The following GIGYF1 variants were observed in gnomAD, a reference collection of about 807,000 sequenced individuals.
The protein encoded by GIGYF1 is GRB10-interacting GYF protein 1.
A neutral mutation model predicts 147.1 loss-of-function variants in GIGYF1; 84 were observed. The ratio of observed to expected loss-of-function variants is 0.57; its 90% CI spans 0.48 to 0.68. GIGYF1 has a LOEUF of 0.68. GIGYF1 is among the 30% of genes least tolerant of loss of function. The pLI is 0.00. For missense variants in GIGYF1, 1,485 were observed against 1,393.7 expected (o/e 1.07, Z -1.04); for synonymous variants, 752 against 589.5 (o/e 1.28, Z -3.99).
At chr7:100,683,704 A>T in intron 19 of GIGYF1, 72 bp from the exon 20 acceptor site, 3 of 1,556,752 alleles carry the variant, frequency 1.9e-6, no homozygotes, top group Non-Finnish European at 2.7e-6. Context: ...CAGCCGCAGC[A>T]GTGGGCTCCC....
At position 100,687,338 on chromosome 7, in the gene GIGYF1, T is replaced by A. The variant is rs141498960; in HGVS notation, c.442A>T (p.Ser148Cys). The change falls in exon 8 of 27, where the codon AGC (serine) becomes TGC (cysteine). Residue 148 changes from serine to cysteine, a missense_variant. Ser to Cys is a moderately radical substitution (Grantham distance 112). Coordinates refer to ENST00000678049, the MANE Select transcript of GIGYF1 (RefSeq NM_001375765.1). The stretch of plus-strand genomic sequence containing the variant: ...TGGCTGCGCTGGATTTCCCGGGGGC[T>A]TCGTCCAAAGGCCCCATCGCCTTCT... ...IEEGDGAFGRSPREIQRSQSW... is the reference protein window; with the variant it reads ...IEEGDGAFGRCPREIQRSQSW... 14 of 1,613,024 alleles carry A rather than the reference T, an allele frequency of 8.7e-6. No individual in the cohort carries two copies. The African/African-American group carries it at 1.7e-4, about 20-fold the overall frequency.
At chr7:100,687,467 G>A (rs1219916492) in intron 7 of GIGYF1, 38 bp downstream of exon 7, 1 of 1,606,046 alleles carries the variant, frequency 6.2e-7, no homozygotes. Context: ...CAGGGGCCCA[G>A]ATCTGCCCGT....
Position 100,686,215 on chromosome 7 carries a change from T to C in GIGYF1, c.913A>G (p.Thr305Ala), listed in dbSNP as rs1220035034. The C allele has an allele frequency of 1.2e-6, 2 of 1,613,490 alleles. No homozygotes were observed. The highest frequency in any genetic ancestry group is 1.7e-6 in the Non-Finnish European group (2 of 1,179,764). The change falls in exon 11 of 27, where the codon ACC (threonine) becomes GCC (alanine). Residue 305 changes from threonine (T) to alanine (A), a missense_variant. Coordinates refer to ENST00000678049, the MANE Select transcript of GIGYF1 (RefSeq NM_001375765.1). ...CLDDEDEEMG[T>A]FDASGAFLPL... Reference sequence around the variant, plus strand: ...AAGAAGGCCCCAGAGGCATCAAAGGTGCCCATTTCTTCATCCTCATCGTCC... The same window carrying C: ...AAGAAGGCCCCAGAGGCATCAAAGGCGCCCATTTCTTCATCCTCATCGTCC...
intron 17 of GIGYF1, 22 bp from the exon 18 acceptor site, chr7:100,684,179 T>C (rs1372181595): frequency 2.5e-6 from 4 of 1,609,114 alleles, no homozygotes; most frequent in Admixed American, 1.7e-5. Flanking sequence ...ACAGTGGAGA[T>C]GGTGGGCCAC....
chr7:100,686,891 G>T, intron 9 of GIGYF1, 72 bp from the exon 10 acceptor site: 4 of 1,603,752 alleles, frequency 2.5e-6, no homozygotes, highest in Non-Finnish European at 3.4e-6. Context: ...AAACGTTGGG[G>T]GGGCCAGCTC....
chr7:100,682,706 T>C lies in GIGYF1; in HGVS notation c.2484A>G (p.Pro828=). 1 of 1,587,166 alleles carries C rather than the reference T, an allele frequency of 6.3e-7. No homozygotes were observed. Among genetic ancestry groups the C allele is most frequent in the South Asian group, 1.1e-5 (1 of 87,370 alleles). ...CGCTGCTGCCGCCCCCACTCTTGTCTGGCCCGCCCCACAGTGGCCCAGCCT... is the reference window on the plus strand; with the variant it reads ...CGCTGCTGCCGCCCCCACTCTTGTCCGGCCCGCCCCACAGTGGCCCAGCCT... ...VSEAGPLWGG[P]DKSGGGSSGL... Residue 828 remains proline, a synonymous_variant, in exon 23 of 27, where the codon CCA becomes CCG. Coordinates refer to ENST00000678049, the MANE Select transcript of GIGYF1 (RefSeq NM_001375765.1).
At position 100,684,353 on chromosome 7, in the gene GIGYF1, C is replaced by G. The variant is rs373685013; in HGVS notation, c.1630-16G>C. 4.5e-4 allele frequency: 720 copies of G among 1,593,796 alleles called. No individual in the cohort carries two copies. The highest frequency in any genetic ancestry group is 5.8e-4 in the Non-Finnish European group (676 of 1,171,792). On this transcript the variant is annotated splice_polypyrimidine_tract_variant and intron_variant, in intron 16 of 26. Coordinates refer to ENST00000678049, the MANE Select transcript of GIGYF1 (RefSeq NM_001375765.1). ...CCATGTTTCCCTGCTCAGGTGAGAG[C>G]TCGGCCAGTGCCCCCAGCAGGGAGG...
At position 100,687,778 on chromosome 7, in the gene GIGYF1, CCGGT is replaced by C. The variant is rs774263323; in HGVS notation, c.261+6_261+9del. The C allele has an allele frequency of 4.3e-6, 7 of 1,611,252 alleles. No individual in the cohort carries two copies. Among genetic ancestry groups the C allele is most frequent in the Non-Finnish European group, 5.9e-6 (7 of 1,179,654 alleles). On this transcript the variant is annotated splice_donor_region_variant and intron_variant, in intron 6 of 26. Transcript: ENST00000678049. ...GGCTCCCGCAGCCTCAGCTCCTGGC[CCGGT>C]CCCACCTGTTCCTCCTCAGTCAGCG...
At chr7:100,691,028 G>C (rs930927814) in intron 1 of GIGYF1, among the ~76,000 whole-genome samples, 2 of 152,038 alleles carry the variant, frequency 1.3e-5, no homozygotes, top group African/African-American at 4.8e-5. Context: ...GAAACCAGGA[G>C]AGTGAGGTTA....
At chr7:100,685,800 G>A (rs543486123) in intron 12 of GIGYF1, among the ~76,000 whole-genome samples, 174 bp downstream of exon 12, 22 of 152,306 alleles carry the variant, frequency 1.4e-4, no homozygotes, top group African/African-American at 5.1e-4. Context: ...CTGGTACACT[G>A]CCTTGAAGAC....
chr7:100,685,658 C>T (rs1158347985), intron 12 of GIGYF1, among the ~76,000 whole-genome samples, 177 bp from the exon 13 acceptor site: 1 of 152,202 alleles, frequency 6.6e-6, no homozygotes, highest in African/African-American at 2.4e-5. Flanking sequence ...ACCCTCGCCT[C>T]CACGCTGCCA....
intron 1 of GIGYF1, among the ~76,000 whole-genome samples, chr7:100,693,684 C>A (rs1489965231): frequency 6.6e-6 from 1 of 151,992 alleles, no homozygotes; most frequent in South Asian, 2.1e-4. Flanking sequence ...GGGTCGGGGG[C>A]CCCCAGGCGG....
chr7:100,684,388 T>TG (rs748906688), intron 16 of GIGYF1, 51 bp from the exon 17 acceptor site: 6 of 1,602,000 alleles, frequency 3.7e-6, no homozygotes, highest in Middle Eastern at 1.7e-4. Context: ...GAGGGGACTC[T>TG]GCTGGACTCC....
chr7:100,683,670 G>T (rs747232798), intron 19 of GIGYF1, 38 bp from the exon 20 acceptor site: 1 of 1,591,390 alleles, frequency 6.3e-7, no homozygotes, highest in African/African-American at 1.3e-5. Flanking sequence ...CTGCAGGTGG[G>T]CACTTGGGCC....
Position 100,684,591 on chromosome 7 carries a change from T to C in GIGYF1, c.1488A>G (p.Ala496=), listed in dbSNP as rs1402046283. ...IQGPFTTQEM[A]EWFQAGYFSM... is the part of the protein sequence containing the mutation. Reference sequence around the variant, plus strand: ...AAAAGTAGCCGGCCTGGAACCACTCTGCCATCTCCTGTGTCGTGAAGGGGC... The same window carrying C: ...AAAAGTAGCCGGCCTGGAACCACTCCGCCATCTCCTGTGTCGTGAAGGGGC... The change falls in exon 16 of 27, where the codon GCA becomes GCG. Residue 496 remains alanine (A), a synonymous_variant. Transcript: ENST00000678049. The C allele has an allele frequency of 4.3e-6, 7 of 1,614,172 alleles. No individual in the cohort carries two copies. The highest frequency in any genetic ancestry group is 5.9e-6 in the Non-Finnish European group (7 of 1,180,026).
chr7:100,684,094 T>A lies in GIGYF1; in HGVS notation c.1794A>T (p.Pro598=). ...GCTGCTGCTGCTGTGGCGGCGGCGG[T>A]GGTGGCGGTGTCAGGTCCCCCAGAG... ...KAALGDLTPP[P]PPPPQQQQQQ... The change falls in exon 18 of 27, where the codon CCA becomes CCT. Residue 598 remains proline (P), a synonymous_variant. Transcript: ENST00000678049. 6.2e-7 allele frequency: 1 copy of A among 1,602,678 alleles called. No individual in the cohort carries two copies. Among genetic ancestry groups the A allele is most frequent in the Non-Finnish European group, 8.5e-7 (1 of 1,178,430 alleles).
intron 1 of GIGYF1, 59 bp downstream of exon 1, chr7:100,694,051 G>A (rs1469308524): frequency 1.4e-5 from 2 of 146,266 alleles, no homozygotes; most frequent in Admixed American, 6.8e-5. Flanking sequence ...GGCGTCGGGG[G>A]CGGGCCTGCC....
In GIGYF1 at chr7:100,688,044, G is replaced by A. The variant is rs142379458; in HGVS notation, c.102C>T (p.Tyr34=). ...SPPPSPAMPK[Y]KLADYRYGRE... ...GCCCATAACGGTAGTCAGCCAGCTT[G>A]TATTTGGGCATGGCAGGGGACGGGG... The change falls in exon 5 of 27, where the codon TAC becomes TAT. Residue 34 remains tyrosine, a synonymous_variant. Transcript: ENST00000678049. 1.3e-5 allele frequency: 21 copies of A among 1,613,472 alleles called. No homozygotes were observed. Among genetic ancestry groups the A allele is most frequent in the Admixed American group, 3.3e-5 (2 of 59,944 alleles).
At position 100,684,033 on chromosome 7, in the gene GIGYF1, G is replaced by A; in HGVS notation, c.1855C>T (p.Leu619Phe). ...CGCACCACGCACCTGGGGGGTTTGA[G>A]CGCCTGGAGCTGCTGCAGGAATGCC... ...LTAFLQQLQA[L>F]KPPRGGDQNL... Residue 619 changes from leucine (L) to phenylalanine (F), a missense_variant, in exon 18 of 27, where the codon CTC becomes TTC. Transcript: ENST00000678049. 1 of 1,605,040 alleles carries A rather than the reference G, an allele frequency of 6.2e-7. No individual in the cohort carries two copies. The highest frequency in any genetic ancestry group is 1.1e-5 in the South Asian group (1 of 90,834).
Sources: gnomAD v4.1 joint callset for allele counts (sites outside exome capture counted in the v4.1 genomes callset) on GRCh38, gnomAD v4.1.1 for gene constraint, MANE v1.5 for transcripts, NCBI Gene and HGNC (gene_info 2026-07-23, HGNC 2026-07-21) for gene names.